Variants in IGFBP7 observed in about 807,000 individuals in gnomAD.
IGFBP7 encodes insulin-like growth factor-binding protein 7.
A neutral mutation model predicts 29.4 loss-of-function variants in IGFBP7; 31 were observed. That is an observed-to-expected ratio of 1.05 (90% CI 0.79 to 1.42). The LOEUF (loss-of-function observed/expected upper bound fraction) is 1.42. Ranked by LOEUF, IGFBP7 falls within the 40% of genes most tolerant of loss-of-function variation. The pLI is 0.00. For synonymous variants in IGFBP7, 172 were observed against 174.9 expected (o/e 0.98, Z 0.13); for missense variants, 393 against 395.5 (o/e 0.99, Z 0.05).
intron 1 of IGFBP7, among the ~76,000 whole-genome samples, chr4:57,098,384 C>A (rs1016871879): frequency 6.6e-6 from 1 of 152,154 alleles, no homozygotes; most frequent in African/African-American, 2.4e-5. Context: ...AGAAAGAGGC[C>A]TCAGATGAGA....
intron 1 of IGFBP7, among the ~76,000 whole-genome samples, chr4:57,047,219 G>A (rs1724384964): frequency 6.6e-6 from 1 of 152,156 alleles, no homozygotes; most frequent in African/African-American, 2.4e-5. Context: ...TCGTAATAGC[G>A]ACTAAGTCTC....
chr4:57,075,505 G>C (rs1725200499), intron 1 of IGFBP7, among the ~76,000 whole-genome samples: 1 of 152,110 alleles, frequency 6.6e-6, no homozygotes, highest in Non-Finnish European at 1.5e-5. Flanking sequence ...CTCCAAGCTT[G>C]GGGAGGTTTC....
At chr4:57,048,632 A>G (rs1724425832) in intron 1 of IGFBP7, among the ~76,000 whole-genome samples, 1 of 152,222 alleles carries the variant, frequency 6.6e-6, no homozygotes, top group Non-Finnish European at 1.5e-5. Context: ...AGCTGATTTT[A>G]TATAAAGTCT....
intron 1 of IGFBP7, among the ~76,000 whole-genome samples, chr4:57,102,242 C>T (rs770293322): frequency 1.7e-4 from 26 of 152,110 alleles, no homozygotes; most frequent in Non-Finnish European, 3.7e-4. Context: ...CCTTATAAGG[C>T]GGTTTCTTCT....
At chr4:57,034,391 A>G (rs1393203097) in intron 2 of IGFBP7, among the ~76,000 whole-genome samples, 2 of 152,146 alleles carry the variant, frequency 1.3e-5, no homozygotes, top group South Asian at 2.1e-4. Context: ...TGTTCATTCC[A>G]TCCCAGATCT....
At chr4:57,039,654 T>C (rs1220074546) in intron 2 of IGFBP7, among the ~76,000 whole-genome samples, 1 of 150,746 alleles carries the variant, frequency 6.6e-6, no homozygotes, top group Non-Finnish European at 1.5e-5. Context: ...TTTTTTTTTT[T>C]TTTTTTTTTG....
intron 2 of IGFBP7, among the ~76,000 whole-genome samples, chr4:57,034,881 A>C (rs539584954): frequency 6.6e-6 from 1 of 152,352 alleles, no homozygotes; most frequent in South Asian, 2.1e-4. Context: ...TTTCTCATAA[A>C]TGCTGTGAAG....
chr4:57,041,562 A>G (rs1560491264), intron 1 of IGFBP7, among the ~76,000 whole-genome samples: 1 of 151,972 alleles, frequency 6.6e-6, no homozygotes, highest in Admixed American at 6.6e-5. Context: ...TTGATACAGA[A>G]TCTCATTCTG....
rs11555295 is a variant in IGFBP7, at chr4:57,031,355, A to G, written c.830-19T>C. On this transcript the variant is annotated intron_variant, in intron 4 of 4. Coordinates refer to ENST00000295666, the MANE Select transcript of IGFBP7 (RefSeq NM_001553.3). ...CCTTCACCTGTTTAAAAAAAAAAAA[A>G]GATAAAAATTAGTTACATATGGGGA... 4 of 1,574,276 alleles carry G rather than the reference A, an allele frequency of 2.5e-6. No homozygotes were observed. Among genetic ancestry groups the G allele is most frequent in the Non-Finnish European group, 3.5e-6 (4 of 1,152,610 alleles).
intron 1 of IGFBP7, among the ~76,000 whole-genome samples, chr4:57,060,262 G>A (rs1425866347): frequency 6.6e-6 from 1 of 152,196 alleles, no homozygotes; most frequent in Non-Finnish European, 1.5e-5. Context: ...CAGACAGACT[G>A]GGAAAGGAGG....
chr4:57,077,867 C>G (rs1461711585), intron 1 of IGFBP7, among the ~76,000 whole-genome samples: 1 of 152,216 alleles, frequency 6.6e-6, no homozygotes, highest in Non-Finnish European at 1.5e-5. Context: ...AATAACAGCA[C>G]TCAGGCCTCG....
chr4:57,088,077 T>C (rs1331035011), intron 1 of IGFBP7, among the ~76,000 whole-genome samples: 1 of 152,182 alleles, frequency 6.6e-6, no homozygotes, highest in Non-Finnish European at 1.5e-5. Flanking sequence ...CAAGTGATCC[T>C]CCTACCTCAG....
At chr4:57,065,199 G>A (rs768292599) in intron 1 of IGFBP7, among the ~76,000 whole-genome samples, 11 of 152,212 alleles carry the variant, frequency 7.2e-5, no homozygotes, top group Non-Finnish European at 1.6e-4. Context: ...CCCAGGTGCC[G>A]GCTCGCCCAC....
At chr4:57,080,311 CCTGT>C (rs1270040775) in intron 1 of IGFBP7, among the ~76,000 whole-genome samples, 1 of 152,174 alleles carries the variant, frequency 6.6e-6, no homozygotes, top group Non-Finnish European at 1.5e-5. Flanking sequence ...AATTTCTCTA[CCTGT>C]CTAAGATTCA....
intron 1 of IGFBP7, among the ~76,000 whole-genome samples, chr4:57,100,136 T>C (rs1277734458): frequency 7.1e-6 from 1 of 140,384 alleles, no homozygotes; most frequent in African/African-American, 2.6e-5. Context: ...AGTGGCTCCA[T>C]CATAGCCTCC....
intron 1 of IGFBP7, among the ~76,000 whole-genome samples, chr4:57,066,713 G>A (rs532431994): frequency 1.3e-4 from 20 of 151,752 alleles, no homozygotes; most frequent in Non-Finnish European, 2.5e-4. Flanking sequence ...ACAGGTATGC[G>A]CCACCATGCC....
At chr4:57,068,537 G>A (rs1300672154) in intron 1 of IGFBP7, among the ~76,000 whole-genome samples, 2 of 152,146 alleles carry the variant, frequency 1.3e-5, no homozygotes, top group East Asian at 3.9e-4. Flanking sequence ...AAAGGAGGCT[G>A]AGATACTTTC....
At chr4:57,072,892 G>T (rs1322802485) in intron 1 of IGFBP7, 2 of 680,346 alleles carry the variant, frequency 2.9e-6, no homozygotes, top group East Asian at 3.2e-5. Flanking sequence ...AGTTCCTCAC[G>T]CCCTGCTACC....
intron 1 of IGFBP7, among the ~76,000 whole-genome samples, chr4:57,097,834 C>T (rs1282385250): frequency 1.3e-5 from 2 of 152,130 alleles, no homozygotes; most frequent in East Asian, 1.9e-4. Context: ...TATTTCCCCT[C>T]GTACACCAGC....
Sources: gnomAD v4.1 joint callset for allele counts (sites outside exome capture counted in the v4.1 genomes callset) on GRCh38, gnomAD v4.1.1 for gene constraint, MANE v1.5 for transcripts, NCBI Gene and HGNC (gene_info 2026-07-23, HGNC 2026-07-21) for gene names.